ACTR1A: variants seen among roughly 807,000 people sequenced by gnomAD.
ACTR1A encodes the protein actin related protein 1A.
In ACTR1A, 10 loss-of-function variants were observed where a neutral mutation model predicts 50.7. The observed-to-expected ratio is 0.20, with a 90% CI of 0.12 to 0.33. The LOEUF (loss-of-function observed/expected upper bound fraction) is 0.33, where lower values mean the gene tolerates loss of function less well. Ranked by LOEUF, ACTR1A falls within the 10% of genes least tolerant of loss-of-function variation. The pLI is 1.00. For missense variants in ACTR1A, 253 were observed against 491.7 expected, an observed-to-expected ratio of 0.51 and a Z score of 4.59; for synonymous variants, 177 against 184.2, an observed-to-expected ratio of 0.96 and a Z score of 0.32.
intron 1 of ACTR1A, among the ~76,000 whole-genome samples, chr10:102,500,604 C>CAAAAA (rs2062245749): frequency 7.1e-6 from 1 of 141,686 alleles, no homozygotes; most frequent in Non-Finnish European, 1.6e-5. Context: ...AACAAACAAA[C>CAAAAA]AAAAATTAGC....
At chr10:102,491,238 A>G (rs2062190274) in intron 1 of ACTR1A, among the ~76,000 whole-genome samples, 1 of 152,166 alleles carries the variant, frequency 6.6e-6, no homozygotes, top group African/African-American at 2.4e-5. Flanking sequence ...GGAAAGAAGA[A>G]AGTACCTAGA....
At chr10:102,485,501 A>C in intron 5 of ACTR1A, 108 bp downstream of exon 5, 3 of 1,460,684 alleles carry the variant, frequency 2.1e-6, no homozygotes, top group Non-Finnish European at 2.8e-6. Flanking sequence ...ACCTTTCCCT[A>C]GCAGAGGGGG....
chr10:102,481,382 G>T (rs188888100), intron 9 of ACTR1A, among the ~76,000 whole-genome samples: 1 of 73,768 alleles, frequency 1.4e-5, no homozygotes, highest in Non-Finnish European at 3.3e-5. Context: ...GGACTATTGG[G>T]GGGGGCAGGG....
intron 1 of ACTR1A, among the ~76,000 whole-genome samples, chr10:102,495,159 C>T (rs1310198052): frequency 6.6e-6 from 1 of 152,030 alleles, no homozygotes; most frequent in Non-Finnish European, 1.5e-5. Context: ...GGTCCATAGT[C>T]CTTGCTACTT....
At chr10:102,500,022 A>C (rs1050903983) in intron 1 of ACTR1A, among the ~76,000 whole-genome samples, 10 of 152,244 alleles carry the variant, frequency 6.6e-5, no homozygotes, top group Non-Finnish European at 1.3e-4. Context: ...GTGAGACTAA[A>C]GGAATATCAT....
chr10:102,484,193 G>A lies in ACTR1A; in HGVS notation c.624C>T (p.Ser208=). ...LRKEGYDFHS[S]SEFEIVKAIK... is the part of the protein sequence containing the mutation. Reference sequence around the variant, plus strand: ...TGGCCTTGACAATCTCAAACTCAGAGGATGAGTGGAAGTCGTAGCCCTCCT... The same window carrying A: ...TGGCCTTGACAATCTCAAACTCAGAAGATGAGTGGAAGTCGTAGCCCTCCT... The change falls in exon 6 of 11, where the codon TCC becomes TCT. Residue 208 remains serine, a synonymous_variant. Transcript: ENST00000369905. 1 of 1,614,214 alleles carries A rather than the reference G, an allele frequency of 6.2e-7. No individual in the cohort carries two copies. Among genetic ancestry groups the A allele is most frequent in the Non-Finnish European group, 8.5e-7 (1 of 1,180,036 alleles).
chr10:102,480,770 C>A lies in ACTR1A; in HGVS notation c.*93G>T. ...ACACTCATATCCACACACGCACTCA[C>A]ACACAGGCAGTTCCTCGCAAACACT... On this transcript the variant is annotated 3_prime_UTR_variant, in exon 11 of 11. Transcript: ENST00000369905. The A allele has an allele frequency of 1.9e-6, 2 of 1,051,208 alleles. No individual in the cohort carries two copies. The highest frequency in any genetic ancestry group is 1.5e-6 in the Non-Finnish European group (1 of 672,860). 65.1% of individuals were successfully genotyped at this position (1,051,208 alleles called of 1,614,324 possible). A position where few individuals can be genotyped will look rare whatever the true frequency, so the allele number is the denominator to read the frequency against.
chr10:102,502,555 G>A (rs1225020903), intron 1 of ACTR1A, 45 bp downstream of exon 1: 2 of 1,605,712 alleles, frequency 1.2e-6, no homozygotes, highest in South Asian at 2.2e-5. Flanking sequence ...TCCTTTCGAG[G>A]AGGAGAGCCC....
intron 1 of ACTR1A, among the ~76,000 whole-genome samples, chr10:102,496,337 C>A (rs10786669): frequency 6.6e-6 from 1 of 152,016 alleles, no homozygotes; most frequent in Non-Finnish European, 1.5e-5. Flanking sequence ...GGAAGAGGTG[C>A]CTTTCAGGCT....
At chr10:102,502,493 G>A (rs2062262972) in intron 1 of ACTR1A, 107 bp downstream of exon 1, 6 of 1,271,216 alleles carry the variant, frequency 4.7e-6, no homozygotes, top group Non-Finnish European at 6.9e-6. Flanking sequence ...GCGCCTGACA[G>A]GCCGGGCCAG....
intron 1 of ACTR1A, among the ~76,000 whole-genome samples, chr10:102,498,346 C>A (rs2062232353): frequency 6.8e-6 from 1 of 147,822 alleles, no homozygotes; most frequent in African/African-American, 2.5e-5. Context: ...TTAAAGGGGG[C>A]TGAAGCAGCA....
intron 1 of ACTR1A, among the ~76,000 whole-genome samples, chr10:102,501,795 C>A (rs1010263023): frequency 5.3e-5 from 8 of 152,208 alleles, no homozygotes; most frequent in African/African-American, 1.9e-4. Context: ...GTGAAAACGC[C>A]CTGGAAGCGC....
Position 102,482,100 on chromosome 10 carries a change from G to A in ACTR1A, c.826C>T (p.His276Tyr), listed in dbSNP as rs1294272166. Reference protein sequence around the residue: ...DLIGEESEGIHEVLVFAIQKS... With the variant: ...DLIGEESEGIYEVLVFAIQKS... ...TGAATGGCGAACACCAGGACCTCGT[G>A]GATGCCTTCACTCTCCTCTCCAATC... Residue 276 changes from histidine to tyrosine, a missense_variant, in exon 8 of 11, where the codon CAC (histidine) becomes TAC (tyrosine). This residue lies in a region of ACTR1A where 116 missense variants were observed against 155.9 expected (regional missense o/e 0.74). Coordinates refer to ENST00000369905, the MANE Select transcript of ACTR1A (RefSeq NM_005736.4). This position sits in a 1 kb window ranked among gnomAD's most constrained non-coding sequence, Gnocchi z 5.6. 1 of 1,614,058 alleles carries A rather than the reference G, an allele frequency of 6.2e-7. No individual in the cohort carries two copies. The highest frequency in any genetic ancestry group is 8.5e-7 in the Non-Finnish European group (1 of 1,180,046).
Position 102,482,879 on chromosome 10 carries a change from T to C in ACTR1A, c.750+132A>G. ...GCCATCCTGGGCCACGTGCAGCCCA[T>C]GGGCCAGGGGTTGGACAAGCTTGGT... On this transcript the variant is annotated intron_variant, in intron 7 of 10. Coordinates refer to ENST00000369905, the MANE Select transcript of ACTR1A (RefSeq NM_005736.4). This position sits in a 1 kb window ranked among gnomAD's most constrained non-coding sequence, Gnocchi z 5.6. 5.5e-6 allele frequency: 4 copies of C among 733,586 alleles called. No homozygotes were observed. In the South Asian group the frequency reaches 6.5e-5, roughly 12 times the overall value. The allele number at this position is 733,586 out of a possible 1,614,324, so 45.4% of individuals were successfully genotyped here. A position where few individuals can be genotyped will look rare whatever the true frequency, so the allele number is the denominator to read the frequency against.
chr10:102,492,665 T>G (rs754474009), intron 1 of ACTR1A, among the ~76,000 whole-genome samples: 8 of 152,170 alleles, frequency 5.3e-5, no homozygotes, highest in Non-Finnish European at 8.8e-5. Flanking sequence ...ACTGGCCATC[T>G]GGTGCTTGCC....
At chr10:102,493,893 T>C (rs1056965176) in intron 1 of ACTR1A, among the ~76,000 whole-genome samples, 2 of 152,170 alleles carry the variant, frequency 1.3e-5, no homozygotes, top group East Asian at 3.9e-4. Context: ...CAGAGGCGGT[T>C]CAGCAAAGGG....
intron 2 of ACTR1A, among the ~76,000 whole-genome samples, 191 bp from the exon 3 acceptor site, chr10:102,489,329 A>C (rs1252961637): frequency 6.6e-6 from 1 of 151,834 alleles, no homozygotes. Flanking sequence ...TGTATTATTT[A>C]TATATTATTT....
intron 5 of ACTR1A, among the ~76,000 whole-genome samples, 183 bp from the exon 6 acceptor site, chr10:102,484,559 C>A (rs888022151): frequency 6.6e-6 from 1 of 152,128 alleles, no homozygotes; most frequent in African/African-American, 2.4e-5. Context: ...AATACCTGAA[C>A]GGAAGTTGCT....
chr10:102,495,022 G>C (rs1052522044), intron 1 of ACTR1A, among the ~76,000 whole-genome samples: 11 of 151,936 alleles, frequency 7.2e-5, no homozygotes, highest in Non-Finnish European at 1.5e-4. Context: ...TGTTGGCCAG[G>C]CTGGTCTCGA....
Sources: allele counts gnomAD v4.1 joint callset (sites outside exome capture counted in the v4.1 genomes callset), GRCh38; gene constraint gnomAD v4.1.1; regional missense constraint gnomAD v4.1.1; non-coding constraint Gnocchi (gnomAD v3.1); transcripts MANE v1.5; gene names NCBI Gene and HGNC (gene_info 2026-07-23, HGNC 2026-07-21).